The following FBXW12 variants were observed in gnomAD, a reference collection of about 807,000 sequenced individuals.
FBXW12 encodes F-box and WD repeat domain containing 12, also known as F-box/WD repeat-containing protein 12.
Under a neutral mutation model 55.3 loss-of-function variants are expected in FBXW12, and 43 were observed. The ratio of observed to expected loss-of-function variants is 0.78; its 90% CI spans 0.61 to 1.00. FBXW12 has a LOEUF of 1.00. FBXW12 is among the 50% of genes least tolerant of loss of function. The pLI is 0.00. For missense variants in FBXW12, 524 were observed against 560.5 expected (o/e 0.93, Z 0.66); for synonymous variants, 184 against 203.8 (o/e 0.90, Z 0.83).
chr3:48,378,603 T>A, intron 6 of FBXW12, 77 bp downstream of exon 6: 2 of 1,026,424 alleles, frequency 1.9e-6, no homozygotes, highest in Non-Finnish European at 2.8e-6. Context: ...GTCACATTAC[T>A]GTCCTATCCC....
At chr3:48,383,046 C>T (rs928594156) in intron 10 of FBXW12, among the ~76,000 whole-genome samples, 11 of 152,210 alleles carry the variant, frequency 7.2e-5, no homozygotes, top group African/African-American at 2.4e-4. Context: ...TATATCCACA[C>T]AAGGAAGTAT....
At position 48,378,334 on chromosome 3, in the gene FBXW12, A is replaced by G. The variant is rs1223154685; in HGVS notation, c.423A>G (p.Ser141=). ...TTTTCTAGGGTACCATGATCTGGTC[A>G]AGCCCAGTCCAGGAGTTCCATTTCT... is the stretch of plus-strand genomic sequence containing the variant. ...WDVQEGTMIW[S]SPVQEFHFSN... is the part of the protein sequence containing the mutation. The change falls in exon 6 of 11, where the codon TCA becomes TCG. Residue 141 remains serine (S), a synonymous_variant. Transcript: ENST00000296438. 1.2e-6 allele frequency: 2 copies of G among 1,614,078 alleles called. No homozygotes were observed. The highest frequency in any genetic ancestry group is 1.7e-6 in the Non-Finnish European group (2 of 1,179,994).
chr3:48,378,245 A>G, intron 5 of FBXW12, 72 bp from the exon 6 acceptor site: 1 of 1,178,794 alleles, frequency 8.5e-7, no homozygotes, highest in South Asian at 1.3e-5. Flanking sequence ...TTCCAAATAA[A>G]CATGGGCAGA....
chr3:48,387,343 G>GT (rs979980301), intron 10 of FBXW12, among the ~76,000 whole-genome samples: 2 of 150,838 alleles, frequency 1.3e-5, no homozygotes, highest in African/African-American at 2.4e-5. Context: ...TCATTTCTGT[G>GT]TTTTTTTGTT....
At chr3:48,390,792 A>G (rs1303789073) in intron 10 of FBXW12, among the ~76,000 whole-genome samples, 2 of 151,984 alleles carry the variant, frequency 1.3e-5, no homozygotes, top group Non-Finnish European at 2.9e-5. Flanking sequence ...TTCCTAGGTA[A>G]CTTATTTTGT....
At chr3:48,389,385 T>G (rs748288876) in intron 10 of FBXW12, among the ~76,000 whole-genome samples, 12 of 152,186 alleles carry the variant, frequency 7.9e-5, no homozygotes, top group African/African-American at 2.7e-4. Flanking sequence ...TTTTTTGTTT[T>G]GTTTGGTTTT....
At chr3:48,378,231 A>G (rs1254956065) in intron 5 of FBXW12, 86 bp from the exon 6 acceptor site, 4 of 986,324 alleles carry the variant, frequency 4.1e-6, no homozygotes, top group South Asian at 2.8e-5. Context: ...GATTTGGAAG[A>G]GGCTTCCAAA....
At position 48,372,723 on chromosome 3, in the gene FBXW12, C is replaced by T; in HGVS notation, c.-45C>T. 6.2e-7 allele frequency: 1 copy of T among 1,614,054 alleles called. No homozygotes were observed. The highest frequency in any genetic ancestry group is 8.5e-7 in the Non-Finnish European group (1 of 1,180,004). ...GCAAAGCCTATAAATTCAGAGCAGCCCGGAGAGGAGAAAGGAAAGTGGATG... is the reference window on the plus strand; with the variant it reads ...GCAAAGCCTATAAATTCAGAGCAGCTCGGAGAGGAGAAAGGAAAGTGGATG... On this transcript the variant is annotated 5_prime_UTR_variant, in exon 2 of 11. Coordinates refer to ENST00000296438, the MANE Select transcript of FBXW12 (RefSeq NM_207102.2).
At chr3:48,379,620 A>T in intron 7 of FBXW12, 62 bp downstream of exon 7, 1 of 1,425,252 alleles carries the variant, frequency 7.0e-7, no homozygotes, top group Admixed American at 1.7e-5. Flanking sequence ...AAGCATGCAG[A>T]GAAACTGCAG....
At chr3:48,390,218 A>G (rs750966712) in intron 10 of FBXW12, among the ~76,000 whole-genome samples, 1 of 152,084 alleles carries the variant, frequency 6.6e-6, no homozygotes, top group African/African-American at 2.4e-5. Flanking sequence ...ATCTTTCCTG[A>G]TACCATATAA....
At chr3:48,378,549 G>A in intron 6 of FBXW12, 23 bp downstream of exon 6, 1 of 1,604,350 alleles carries the variant, frequency 6.2e-7, no homozygotes, top group South Asian at 1.1e-5. Context: ...TGAATTTAGA[G>A]GGGACCAAAA....
intron 8 of FBXW12, among the ~76,000 whole-genome samples, chr3:48,381,216 G>A (rs2036766333): frequency 6.6e-6 from 1 of 151,970 alleles, no homozygotes; most frequent in African/African-American, 2.4e-5. Flanking sequence ...TAGAGACAGG[G>A]TTTCACCCTG....
chr3:48,375,289 ATCT>A, intron 4 of FBXW12, 62 bp from the exon 5 acceptor site: 1 of 973,382 alleles, frequency 1.0e-6, no homozygotes. Context: ...ATTTTAAATT[ATCT>A]TCTTTTGGTT....
intron 4 of FBXW12, 137 bp from the exon 5 acceptor site, chr3:48,375,217 T>A: frequency 1.6e-6 from 1 of 639,606 alleles, no homozygotes. Context: ...TGGATGACTC[T>A]GGAGCCCAAT....
At chr3:48,389,331 T>G (rs1041018061) in intron 10 of FBXW12, among the ~76,000 whole-genome samples, 2 of 152,194 alleles carry the variant, frequency 1.3e-5, no homozygotes, top group African/African-American at 4.8e-5. Flanking sequence ...TTCTATAGGT[T>G]GTCTGTTTAC....
intron 3 of FBXW12, 101 bp from the exon 4 acceptor site, chr3:48,373,447 C>G (rs551370629): frequency 1.1e-5 from 17 of 1,606,810 alleles, no homozygotes; most frequent in African/African-American, 8.0e-5. Context: ...GTGAGATATA[C>G]ACAGGAAAGT....
At chr3:48,380,936 G>T in intron 8 of FBXW12, 24 bp downstream of exon 8, 2 of 1,581,070 alleles carry the variant, frequency 1.3e-6, no homozygotes, top group Non-Finnish European at 1.7e-6. Context: ...CATTAGAAAC[G>T]CTTGTTTCTC....
intron 10 of FBXW12, among the ~76,000 whole-genome samples, chr3:48,390,001 T>C (rs1473150171): frequency 6.6e-6 from 1 of 152,222 alleles, no homozygotes; most frequent in Non-Finnish European, 1.5e-5. Context: ...TGAAGATCAG[T>C]TGGCTGTGGG....
intron 10 of FBXW12, among the ~76,000 whole-genome samples, chr3:48,387,801 G>A (rs978549566): frequency 6.6e-6 from 1 of 152,150 alleles, no homozygotes; most frequent in African/African-American, 2.4e-5. Flanking sequence ...CCAGGCTCAA[G>A]CAATCTGCCT....
Sources: allele counts gnomAD v4.1 joint callset (sites outside exome capture counted in the v4.1 genomes callset), GRCh38; gene constraint gnomAD v4.1.1; transcripts MANE v1.5; gene names NCBI Gene and HGNC (gene_info 2026-07-23, HGNC 2026-07-21).